CCL28: variants seen among roughly 807,000 people sequenced by gnomAD.
CCL28 encodes C-C motif chemokine 28.
CCL28 carries 4 observed loss-of-function variants against 7.1 expected under a neutral mutation model. The ratio of observed to expected loss-of-function variants is 0.56; its 90% CI spans 0.28 to 1.29. The LOEUF (loss-of-function observed/expected upper bound fraction) is 1.29. Ranked by LOEUF, CCL28 falls within the 50% of genes most tolerant of loss-of-function variation. CCL28 has a pLI of 0.11. For missense variants in CCL28, 151 were observed against 163.4 expected (o/e 0.92, Z 0.41); for synonymous variants, 55 against 57.8 (o/e 0.95, Z 0.22).
intron 1 of CCL28, among the ~76,000 whole-genome samples, chr5:43,401,660 T>C (rs1281007893): frequency 6.6e-6 from 1 of 152,134 alleles, no homozygotes; most frequent in Non-Finnish European, 1.5e-5. Flanking sequence ...CAACACTCAA[T>C]AAATGGAAAC....
the CCL28 span, among the ~76,000 whole-genome samples, chr5:43,357,576 C>T: frequency 5.9e-5 from 9 of 152,190 alleles, no homozygotes; most frequent in Non-Finnish European, 1.5e-5. Flanking sequence ...GATCAAGCTC[C>T]CAAATTCTTC....
At chr5:43,411,587 G>A (rs1741537930) in intron 1 of CCL28, among the ~76,000 whole-genome samples, 2 of 151,752 alleles carry the variant, frequency 1.3e-5, no homozygotes, top group African/African-American at 4.8e-5. Flanking sequence ...TGCCCAAGCT[G>A]GAGTGCAGTG....
the CCL28 span, among the ~76,000 whole-genome samples, chr5:43,362,319 G>A: frequency 6.6e-6 from 1 of 152,108 alleles, no homozygotes; most frequent in Non-Finnish European, 1.5e-5. Context: ...GAATGCTAGT[G>A]ATTTTTGTAT....
downstream of CCL28, among the ~76,000 whole-genome samples, chr5:43,377,716 A>ATTTTTTTTTTTT (rs1561151287): frequency 2.2e-5 from 1 of 45,660 alleles, no homozygotes; most frequent in Non-Finnish European, 4.3e-5. Flanking sequence ...TAGAACTTAA[A>ATTTTTTTTTTTT]CTTTTTTTTT....
At chr5:43,395,019 G>C (rs1214671366) in intron 1 of CCL28, among the ~76,000 whole-genome samples, 3 of 150,984 alleles carry the variant, frequency 2.0e-5, no homozygotes, top group Non-Finnish European at 4.4e-5. Flanking sequence ...GGTATTAAGG[G>C]TATGTTAATC....
At chr5:43,369,036 A>AAAAG in the CCL28 span, among the ~76,000 whole-genome samples, 30 of 104,458 alleles carry the variant, frequency 2.9e-4, no homozygotes, top group Non-Finnish European at 5.0e-4. Flanking sequence ...GAAAGAGAGA[A>AAAAG]AGAGAGAGAG....
At chr5:43,360,759 C>A in the CCL28 span, among the ~76,000 whole-genome samples, 1 of 152,056 alleles carries the variant, frequency 6.6e-6, no homozygotes, top group African/African-American at 2.4e-5. Flanking sequence ...ATCCTTTGCC[C>A]ACTTTCTAAT....
At chr5:43,376,530 TATGTAA>T (rs1739890772), downstream of CCL28, 2 of 152,356 alleles carry the variant, frequency 1.3e-5, no homozygotes, top group South Asian at 4.1e-4. Context: ...CAACATCAGA[TATGTAA>T]ATGTAAAAGT....
downstream of CCL28, among the ~76,000 whole-genome samples, chr5:43,374,833 C>T (rs1157493641): frequency 1.3e-5 from 2 of 150,794 alleles, no homozygotes; most frequent in Non-Finnish European, 3.0e-5. Context: ...ACTAATACTA[C>T]ATTTAGGTCA....
chr5:43,371,825 T>A (rs1424921777), downstream of CCL28, among the ~76,000 whole-genome samples: 1 of 152,210 alleles, frequency 6.6e-6, no homozygotes, highest in Non-Finnish European at 1.5e-5. Context: ...TCTCAGTCTG[T>A]TTATGTTATA....
At chr5:43,409,552 T>C (rs888885507) in intron 1 of CCL28, among the ~76,000 whole-genome samples, 4 of 151,986 alleles carry the variant, frequency 2.6e-5, no homozygotes, top group East Asian at 1.9e-4. Context: ...GAGTCACAAA[T>C]GTATATTCGT....
rs549589664 is a variant in CCL28 at position 43,379,350 on chromosome 5, G to A, written c.*2510C>T. On this transcript the variant is annotated 3_prime_UTR_variant, in exon 3 of 3. Coordinates refer to ENST00000361115, the MANE Select transcript of CCL28 (RefSeq NM_148672.3). ...TCACGGTTAATTAATTTAAAATTGT[G>A]GTTTATTAATATTTTAAGTTACTCT... 3 of 151,802 alleles carry A rather than the reference G, an allele frequency of 2.0e-5. No individual in the cohort carries two copies. Among genetic ancestry groups the A allele is most frequent in the African/African-American group, 7.2e-5 (3 of 41,422 alleles). The allele number at this position is 151,802 out of a possible 1,614,324, so 9.4% of individuals were successfully genotyped here.
chr5:43,359,481 C>CT, the CCL28 span, among the ~76,000 whole-genome samples: 179 of 152,158 alleles, frequency 1.2e-3, 2 homozygotes, highest in Non-Finnish European at 1.6e-3. Flanking sequence ...GTTTTCTGCC[C>CT]TGGGTCGGGC....
intron 2 of CCL28, among the ~76,000 whole-genome samples, chr5:43,385,138 C>G (rs1183754272): frequency 1.3e-5 from 2 of 152,174 alleles, no homozygotes; most frequent in Non-Finnish European, 2.9e-5. Context: ...ACCTCGTGAT[C>G]CGCCTGCCTC....
At position 43,380,258 on chromosome 5, in the gene CCL28, C is replaced by G. The variant is rs1740055641; in HGVS notation, c.*1602G>C. The G allele has an allele frequency of 6.6e-6, 1 of 152,130 alleles. No individual in the cohort carries two copies. The highest frequency in any genetic ancestry group is 2.4e-5 in the African/African-American group (1 of 41,416). 9.4% of individuals were successfully genotyped at this position (152,130 alleles called of 1,614,324 possible). A position where few individuals can be genotyped will look rare whatever the true frequency, so the allele number is the denominator to read the frequency against. The stretch of plus-strand genomic sequence containing the variant: ...CTCTGGGCCCCTAACTAGTGCTGCT[C>G]CAAGAACTGACTGGGGGAGGCAAAA... On this transcript the variant is annotated 3_prime_UTR_variant, in exon 3 of 3. Coordinates refer to ENST00000361115, the MANE Select transcript of CCL28 (RefSeq NM_148672.3).
intron 2 of CCL28, among the ~76,000 whole-genome samples, chr5:43,382,479 G>A (rs1466173660): frequency 6.6e-6 from 1 of 152,174 alleles, no homozygotes; most frequent in Non-Finnish European, 1.5e-5. Context: ...TTTCTGATCC[G>A]TAAGGATTTG....
intron 1 of CCL28, among the ~76,000 whole-genome samples, 164 bp downstream of exon 1, chr5:43,412,089 C>A (rs1014427288): frequency 2.0e-4 from 31 of 152,182 alleles, no homozygotes; most frequent in Non-Finnish European, 4.4e-5. Context: ...TCTGGGAGAT[C>A]TAGAATTTAA....
In CCL28 at chr5:43,388,525, A is replaced by G. The variant is rs780161629; in HGVS notation, c.65-49T>C. On this transcript the variant is annotated intron_variant, in intron 1 of 2. Transcript: ENST00000361115. ...TGTTAAATTTTACGGTTTATAGAACACTGGCATGGTTCTCATTTTAAAGAT... is the reference window on the plus strand; with the variant it reads ...TGTTAAATTTTACGGTTTATAGAACGCTGGCATGGTTCTCATTTTAAAGAT... 8 of 1,560,764 alleles carry G rather than the reference A, an allele frequency of 5.1e-6. No individual in the cohort carries two copies. In the East Asian group the frequency reaches 1.1e-4, roughly 22 times the overall value.
chr5:43,360,374 C>A, the CCL28 span, among the ~76,000 whole-genome samples: 1 of 152,034 alleles, frequency 6.6e-6, no homozygotes, highest in African/African-American at 2.4e-5. Context: ...CAGCCAGGTA[C>A]TAAGCCTCGT....
Sources: allele counts gnomAD v4.1 joint callset (sites outside exome capture counted in the v4.1 genomes callset), GRCh38; gene constraint gnomAD v4.1.1; transcripts MANE v1.5; gene names NCBI Gene and HGNC (gene_info 2026-07-23, HGNC 2026-07-21).